EIF4E3: variants seen among roughly 807,000 people sequenced by gnomAD.
EIF4E3 encodes the protein eukaryotic translation initiation factor 4E type 3.
A neutral mutation model predicts 31.7 loss-of-function variants in EIF4E3; 26 were observed. The observed-to-expected ratio is 0.82, with a 90% CI of 0.60 to 1.14. The LOEUF (loss-of-function observed/expected upper bound fraction) is 1.14, where lower values mean the gene tolerates loss of function less well. EIF4E3 is among the 50% of genes most tolerant of loss of function. EIF4E3 has a pLI of 0.00. For missense variants in EIF4E3, 304 were observed against 270.9 expected (o/e 1.12, Z -0.86); for synonymous variants, 128 against 107.7 (o/e 1.19, Z -1.17).
At position 71,677,998 on chromosome 3, in the gene EIF4E3, A is replaced by G. The variant is rs981571048; in HGVS notation, c.*6684T>C. 6.6e-6 allele frequency: 1 copy of G among 152,222 alleles called. No individual in the cohort carries two copies. Among genetic ancestry groups the G allele is most frequent in the African/African-American group, 2.4e-5 (1 of 41,464 alleles). 9.4% of individuals were successfully genotyped at this position (152,222 alleles called of 1,614,324 possible). On this transcript the variant is annotated 3_prime_UTR_variant, in exon 7 of 7. Transcript: ENST00000425534. ...TGAGCCCTATTATCAAATGTGTTCA[A>G]CAGGGAAGTGTAAAAATAACAACAG... is the stretch of plus-strand genomic sequence containing the variant.
intron 2 of EIF4E3, among the ~76,000 whole-genome samples, chr3:71,702,088 C>T (rs1456207018): frequency 6.6e-6 from 1 of 152,142 alleles, no homozygotes; most frequent in African/African-American, 2.4e-5. Flanking sequence ...CTATTTTCTT[C>T]GAAGATACTA....
the EIF4E3 span, among the ~76,000 whole-genome samples, chr3:71,663,953 G>C: frequency 6.6e-6 from 1 of 152,152 alleles, no homozygotes; most frequent in Non-Finnish European, 1.5e-5. Context: ...AGGCAGATCA[G>C]GCAGGTAAGT....
chr3:71,687,391 CTTTA>C (rs1297413587), intron 6 of EIF4E3, among the ~76,000 whole-genome samples: 1 of 152,180 alleles, frequency 6.6e-6, no homozygotes, highest in Non-Finnish European at 1.5e-5. Context: ...GCTGATAAAA[CTTTA>C]TTTATGGACA....
upstream of EIF4E3, chr3:71,754,583 C>T (rs1186877952): frequency 4.2e-6 from 6 of 1,413,242 alleles, no homozygotes; most frequent in Admixed American, 5.4e-5. This position sits in a 1 kb window ranked among gnomAD's most constrained non-coding sequence, Gnocchi z 5.8. Flanking sequence ...AGCGGCCCGA[C>T]GGCGCCCCCG....
In EIF4E3 at chr3:71,676,809, A is replaced by G. The variant is rs998396828; in HGVS notation, c.*7873T>C. 1 of 152,086 alleles carries G rather than the reference A, an allele frequency of 6.6e-6. No individual in the cohort carries two copies. Among genetic ancestry groups the G allele is most frequent in the African/African-American group, 2.4e-5 (1 of 41,408 alleles). 9.4% of individuals were successfully genotyped at this position (152,086 alleles called of 1,614,324 possible). A position where few individuals can be genotyped will look rare whatever the true frequency, so the allele number is the denominator to read the frequency against. ...TATAACTTGACTATCTTCATGAAAC[A>G]CTAATTATTTTCGCCTTAAAAAGGG... On this transcript the variant is annotated 3_prime_UTR_variant, in exon 7 of 7. Coordinates refer to ENST00000425534, the MANE Select transcript of EIF4E3 (RefSeq NM_001134651.2).
chr3:71,714,760 G>T (rs1420115050), intron 1 of EIF4E3, among the ~76,000 whole-genome samples: 2 of 152,196 alleles, frequency 1.3e-5, no homozygotes, highest in Non-Finnish European at 2.9e-5. Flanking sequence ...AAATTGAACT[G>T]CAGCTGTATC....
chr3:71,752,669 G>A (rs1031792983), intron 1 of EIF4E3, among the ~76,000 whole-genome samples: 3 of 152,216 alleles, frequency 2.0e-5, no homozygotes, highest in Non-Finnish European at 4.4e-5. Flanking sequence ...TGCCTTCAAA[G>A]AGCTTAGAGC....
chr3:71,741,316 T>TA (rs1307585142), intron 1 of EIF4E3, among the ~76,000 whole-genome samples: 4 of 151,726 alleles, frequency 2.6e-5, no homozygotes, highest in Non-Finnish European at 5.9e-5. Context: ...ATTTTTAAAG[T>TA]AAAAAAAGAA....
downstream of EIF4E3, among the ~76,000 whole-genome samples, chr3:71,674,138 G>A (rs186021249): frequency 9.5e-5 from 11 of 115,360 alleles, no homozygotes; most frequent in South Asian, 2.7e-4. Context: ...ACAGCGCCTC[G>A]CTGTGTCGCC....
At chr3:71,753,877 C>T (rs2049966941), upstream of EIF4E3, among the ~76,000 whole-genome samples, 1 of 148,278 alleles carries the variant, frequency 6.7e-6, no homozygotes, top group African/African-American at 2.4e-5. Flanking sequence ...GCGGCGGCGG[C>T]ACAGCGGCGG....
chr3:71,748,343 G>T (rs1212665238), intron 1 of EIF4E3, among the ~76,000 whole-genome samples: 1 of 152,178 alleles, frequency 6.6e-6, no homozygotes, highest in Admixed American at 6.5e-5. Context: ...ATGGATTTGG[G>T]TGCACGCGGA....
chr3:71,664,756 T>C, the EIF4E3 span, among the ~76,000 whole-genome samples: 14 of 152,050 alleles, frequency 9.2e-5, no homozygotes, highest in Non-Finnish European at 1.5e-4. Flanking sequence ...GTGCCTATAA[T>C]CCCAGCTACT....
chr3:71,661,017 G>T, the EIF4E3 span, among the ~76,000 whole-genome samples: 1 of 152,040 alleles, frequency 6.6e-6, no homozygotes, highest in African/African-American at 2.4e-5. Flanking sequence ...TGGCAGGGAT[G>T]CGAGCGTTTC....
chr3:71,711,220 T>C (rs1373558551), intron 1 of EIF4E3, among the ~76,000 whole-genome samples: 2 of 152,206 alleles, frequency 1.3e-5, no homozygotes, highest in Admixed American at 6.5e-5. Context: ...CATCAAACCT[T>C]AGGAGTTCAA....
rs1288483637 is a variant in EIF4E3 at position 71,725,391 on chromosome 3, C to T, written c.-24G>A. 21 of 976,518 alleles carry T rather than the reference C, an allele frequency of 2.2e-5. No individual in the cohort carries two copies. Among genetic ancestry groups the T allele is most frequent in the Non-Finnish European group, 2.3e-5 (19 of 825,806 alleles). 60.5% of individuals were successfully genotyped at this position (976,518 alleles called of 1,614,324 possible). On this transcript the variant is annotated 5_prime_UTR_variant, in exon 1 of 7. Transcript: ENST00000425534. This position sits in a 1 kb window ranked among gnomAD's most constrained non-coding sequence, Gnocchi z 6.1. ...ATTTTCTCCGCCCCGCCTGCAAGGC[C>T]GGCGGACGCGCGGACCGCGGGGCGA...
chr3:71,746,294 T>C (rs1021838585), intron 1 of EIF4E3, among the ~76,000 whole-genome samples: 1 of 152,236 alleles, frequency 6.6e-6, no homozygotes, highest in South Asian at 2.1e-4. Context: ...TAATCATATA[T>C]GCAAAACAGC....
chr3:71,718,970 T>C (rs2049505291), intron 1 of EIF4E3, among the ~76,000 whole-genome samples: 1 of 152,124 alleles, frequency 6.6e-6, no homozygotes, highest in Non-Finnish European at 1.5e-5. Context: ...TTCCATCCAG[T>C]CTCCTCCCCA....
At chr3:71,750,834 G>A (rs1243041977) in intron 1 of EIF4E3, among the ~76,000 whole-genome samples, 3 of 151,612 alleles carry the variant, frequency 2.0e-5, no homozygotes, top group Non-Finnish European at 4.4e-5. Flanking sequence ...CACGATTTCG[G>A]CTCACTGCAA....
chr3:71,732,669 T>C (rs989451594), intron 1 of EIF4E3, among the ~76,000 whole-genome samples: 1 of 152,200 alleles, frequency 6.6e-6, no homozygotes, highest in Admixed American at 6.5e-5. Flanking sequence ...CAATCAGAGA[T>C]ACAGAGATAG....
Sources: gnomAD v4.1 joint callset for allele counts (sites outside exome capture counted in the v4.1 genomes callset) on GRCh38, gnomAD v4.1.1 for gene constraint, Gnocchi (gnomAD v3.1) non-coding constraint, MANE v1.5 for transcripts, NCBI Gene and HGNC (gene_info 2026-07-23, HGNC 2026-07-21) for gene names.